Variants in CLUH observed in about 807,000 individuals in gnomAD.
CLUH encodes clustered mitochondria protein homolog.
Under a neutral mutation model 139.3 loss-of-function variants are expected in CLUH, and 77 were observed. The observed-to-expected ratio is 0.55, with a 90% confidence interval of 0.46 to 0.67. The LOEUF (loss-of-function observed/expected upper bound fraction) is 0.67, where lower values mean the gene tolerates loss of function less well. CLUH is among the 30% of genes least tolerant of loss of function. The probability of loss-of-function intolerance (pLI) is 0.00; values close to 1 mark genes in which losing one functional copy is unlikely to be tolerated. For missense variants in CLUH, 1,876 were observed against 1,875.8 expected, an observed-to-expected ratio of 1.00 and a Z score of 0.00; for synonymous variants, 999 against 801.6, an observed-to-expected ratio of 1.25 and a Z score of -4.16.
chr17:2,692,317 G>GC (rs1567576969), intron 22 of CLUH, 44 bp downstream of exon 22: 2 of 1,496,590 alleles, frequency 1.3e-6, no homozygotes, highest in Non-Finnish European at 1.8e-6. Context: ...CGGCTGCCCC[G>GC]CAGGCCTCCG....
chr17:2,691,544 G>C lies in CLUH; in HGVS notation c.3863+65C>G. 4.0e-6 allele frequency: 6 copies of C among 1,511,212 alleles called. No homozygotes were observed. The African/African-American group carries it at 6.9e-5, about 17-fold the overall frequency. The allele number at this position is 1,511,212 out of a possible 1,614,324, so 93.6% of individuals were successfully genotyped here. A position where few individuals can be genotyped will look rare whatever the true frequency, so the allele number is the denominator to read the frequency against. The stretch of plus-strand genomic sequence containing the variant: ...CCGCCGCACTCCAGCCCGGGTGACA[G>C]GGCGAGACTCCGACTCACAAAAAAC... On this transcript the variant is annotated intron_variant, in intron 25 of 25. Transcript: ENST00000651024.
intron 9 of CLUH, among the ~76,000 whole-genome samples, chr17:2,699,928 C>G (rs1004097124): frequency 6.6e-6 from 1 of 152,206 alleles, no homozygotes; most frequent in African/African-American, 2.4e-5. Context: ...CTGAAGCCGG[C>G]CTGAGATTTT....
At chr17:2,708,094 G>A (rs2070399961) in intron 1 of CLUH, 1 of 744,444 alleles carries the variant, frequency 1.3e-6, no homozygotes, top group Non-Finnish European at 1.6e-6. Flanking sequence ...TGCCCAGCTG[G>A]CCAGGGCGCC....
chr17:2,708,115 C>A (rs945470348), intron 1 of CLUH: 1 of 494,268 alleles, frequency 2.0e-6, no homozygotes, highest in Non-Finnish European at 2.6e-6. Context: ...TTCCCAGGGC[C>A]TCTGACATGC....
At position 2,704,357 on chromosome 17, in the gene CLUH, C is replaced by T. The variant is rs1421748620; in HGVS notation, c.303+5G>A. 1.9e-6 allele frequency: 3 copies of T among 1,608,634 alleles called. No individual in the cohort carries two copies. Among genetic ancestry groups the T allele is most frequent in the Non-Finnish European group, 2.5e-6 (3 of 1,177,658 alleles). ...TGGCCCCCAGCACCCGTTCCTCCAT[C>T]TTACCTGCAGGGAGAAGGGCTCGAT... is the stretch of plus-strand genomic sequence containing the variant. On this transcript the variant is annotated splice_donor_5th_base_variant and intron_variant, in intron 2 of 25. Coordinates refer to ENST00000651024, the MANE Select transcript of CLUH (RefSeq NM_001366661.1). The surrounding 1 kb of genome is among the most constrained non-coding windows in gnomAD (Gnocchi z 5.7).
rs750522190 is a variant in CLUH at position 2,696,983 on chromosome 17, G to C, written c.1962-41C>G. ...CAGGGCAGAGCAGGAGCTGGACATC[G>C]GGGAGAGGAGCTCTGCTGGCCCACG... On this transcript the variant is annotated intron_variant, in intron 10 of 25. Coordinates refer to ENST00000651024, the MANE Select transcript of CLUH (RefSeq NM_001366661.1). 2.8e-6 allele frequency: 4 copies of C among 1,441,774 alleles called. No individual in the cohort carries two copies. In the African/African-American group the frequency reaches 4.3e-5, roughly 15 times the overall value. The allele number at this position is 1,441,774 out of a possible 1,614,324, so 89.3% of individuals were successfully genotyped here.
Position 2,704,536 on chromosome 17 carries a change from C to T in CLUH, c.129G>A (p.Gly43=). 6 of 1,574,818 alleles carry T rather than the reference C, an allele frequency of 3.8e-6. No individual in the cohort carries two copies. The highest frequency in any genetic ancestry group is 2.3e-5 in the East Asian group (1 of 42,690). ...CCTTCTTCAGGCTCTCTGGGCAGTC[C>T]CCGTTTAAGAGCATGACTGATGGCA... The part of the protein sequence containing the change: ...AELPSVMLLN[G]DCPESLKKEA... Residue 43 remains glycine (G), a synonymous_variant, in exon 2 of 26, where the codon GGG becomes GGA. Transcript: ENST00000651024. The surrounding 1 kb of genome is among the most constrained non-coding windows in gnomAD (Gnocchi z 5.7).
At position 2,704,394 on chromosome 17, in the gene CLUH, G is replaced by A; in HGVS notation, c.271C>T (p.Leu91Phe). Residue 91 changes from leucine (L) to phenylalanine (F), a missense_variant, in exon 2 of 26, where the codon CTC (leucine) becomes TTC (phenylalanine). Transcript: ENST00000651024. This position sits in a 1 kb window ranked among gnomAD's most constrained non-coding sequence, Gnocchi z 5.7. ...IQDTGFSVKI[L>F]APGIEPFSLQ... is the part of the protein sequence containing the mutation. ...GAGAAGGGCTCGATCCCAGGGGCGA[G>A]GATCTTCACAGAAAAGCCCGTGTCC... 1 of 1,611,868 alleles carries A rather than the reference G, an allele frequency of 6.2e-7. No individual in the cohort carries two copies. The highest frequency in any genetic ancestry group is 2.2e-5 in the East Asian group (1 of 44,754).
Position 2,707,744 on chromosome 17 carries a change from G to A in CLUH, c.101-3180C>T. The A allele has an allele frequency of 2.0e-6, 2 of 985,416 alleles. No individual in the cohort carries two copies. Among genetic ancestry groups the A allele is most frequent in the Non-Finnish European group, 1.2e-6 (1 of 829,910 alleles). 61.0% of individuals were successfully genotyped at this position (985,416 alleles called of 1,614,324 possible). A position where few individuals can be genotyped will look rare whatever the true frequency, so the allele number is the denominator to read the frequency against. On this transcript the variant is annotated intron_variant, in intron 1 of 25. Coordinates refer to ENST00000651024, the MANE Select transcript of CLUH (RefSeq NM_001366661.1). This position sits in a 1 kb window ranked among gnomAD's most constrained non-coding sequence, Gnocchi z 7.4. Reference sequence around the variant, plus strand: ...CACAGACCCGGGTCCAGGCCATAAGGTGGCTGCCTCTGCCCACCAGTCCCA... The same window carrying A: ...CACAGACCCGGGTCCAGGCCATAAGATGGCTGCCTCTGCCCACCAGTCCCA...
rs552674490 is a variant in CLUH, at chr17:2,697,007, C to T, written c.1962-65G>A. ...CGGGGAGAGGAGCTCTGCTGGCCCA[C>T]GGCTCCCGGCAGCTGGGGCTCCACA... On this transcript the variant is annotated intron_variant, in intron 10 of 25. Transcript: ENST00000651024. 149 of 1,282,944 alleles carry T rather than the reference C, an allele frequency of 1.2e-4. 1 individual carries two copies. In the African/African-American group the frequency reaches 1.5e-3, roughly 13 times the overall value. The allele number at this position is 1,282,944 out of a possible 1,614,324, so 79.5% of individuals were successfully genotyped here.
At position 2,694,253 on chromosome 17, in the gene CLUH, G is replaced by T. The variant is rs374987812; in HGVS notation, c.2961C>A (p.Phe987Leu). Residue 987 changes from phenylalanine (F) to leucine (L), a missense_variant, in exon 18 of 26, where the codon TTC (phenylalanine) becomes TTA (leucine). Around this residue, in one of 3 missense-constraint regions of CLUH, gnomAD observed 1,454 missense variants for 1,384.4 expected, o/e 1.05. Coordinates refer to ENST00000651024, the MANE Select transcript of CLUH (RefSeq NM_001366661.1). ...GIQVLLKEYS[F>L]DSRHKPAFTE... Reference sequence around the variant, plus strand: ...TGAACGCGGGCTTGTGGCGACTGTCGAAGCTGTACTCCTTCAGCAGGACCT... The same window carrying T: ...TGAACGCGGGCTTGTGGCGACTGTCTAAGCTGTACTCCTTCAGCAGGACCT... 6.2e-7 allele frequency: 1 copy of T among 1,602,890 alleles called. No homozygotes were observed. The highest frequency in any genetic ancestry group is 2.2e-5 in the East Asian group (1 of 44,762).
chr17:2,702,087 T>C, intron 3 of CLUH, 30 bp from the exon 4 acceptor site: 1 of 1,608,580 alleles, frequency 6.2e-7, no homozygotes, highest in Non-Finnish European at 8.5e-7. Context: ...GGTATGGCGT[T>C]ACCAGGGCCC....
Position 2,707,461 on chromosome 17 carries a change from C to T in CLUH, c.101-2897G>A, listed in dbSNP as rs771478685. On this transcript the variant is annotated intron_variant, in intron 1 of 25. Coordinates refer to ENST00000651024, the MANE Select transcript of CLUH (RefSeq NM_001366661.1). This position sits in a 1 kb window ranked among gnomAD's most constrained non-coding sequence, Gnocchi z 7.4. ...AGGACGGCTGTGGGCCAGGAGAACC[C>T]GGTGGCCCCAGGACCCCAGGGGGAG... 196 of 985,304 alleles carry T rather than the reference C, an allele frequency of 2.0e-4. No individual in the cohort carries two copies. Among genetic ancestry groups the T allele is most frequent in the Non-Finnish European group, 2.1e-4 (176 of 829,918 alleles). The allele number at this position is 985,304 out of a possible 1,614,324, so 61.0% of individuals were successfully genotyped here.
Position 2,705,946 on chromosome 17 carries a change from C to T in CLUH, c.101-1382G>A, listed in dbSNP as rs553660032. The stretch of plus-strand genomic sequence containing the variant: ...CAGCAGACACGGGCCTGCCTGGGCA[C>T]CCATCTAGGAGATGAGGACCTTGGC... On this transcript the variant is annotated intron_variant, in intron 1 of 25. Transcript: ENST00000651024. Among the ~76,000 whole-genome samples the T allele has an allele frequency of 6.6e-5, 10 of 152,312 alleles. No individual in the cohort carries two copies. The East Asian group carries it at 1.4e-3, about 21-fold the overall frequency.
intron 3 of CLUH, 122 bp from the exon 4 acceptor site, chr17:2,702,179 C>T: frequency 4.0e-6 from 5 of 1,240,988 alleles, no homozygotes; most frequent in East Asian, 2.6e-5. Flanking sequence ...TTTAGGTTTC[C>T]GTTTTCAAAT....
chr17:2,698,192 G>A lies in CLUH; in HGVS notation c.1665C>T (p.Tyr555=). 6.3e-7 allele frequency: 1 copy of A among 1,575,988 alleles called. No homozygotes were observed. The highest frequency in any genetic ancestry group is 8.6e-7 in the Non-Finnish European group (1 of 1,161,852). ...FGKTVVSHPR[Y]LELLERTSRP... is the part of the protein sequence containing the mutation. ...GACTCGTGCGCTCCAGCAGCTCCAG[G>A]TACCGCGGGTGTGACACCACGGTCT... The change falls in exon 10 of 26, where the codon TAC becomes TAT. Residue 555 remains tyrosine, a synonymous_variant. Coordinates refer to ENST00000651024, the MANE Select transcript of CLUH (RefSeq NM_001366661.1).
At chr17:2,708,558 AG>A (rs2070416431) in intron 1 of CLUH, among the ~76,000 whole-genome samples, 1 of 152,132 alleles carries the variant, frequency 6.6e-6, no homozygotes, top group Admixed American at 6.5e-5. Context: ...CAGAGGCAAG[AG>A]GAGCCAACCC....
At chr17:2,700,262 G>A (rs959865001) in intron 9 of CLUH, 120 bp downstream of exon 9, 27 of 884,538 alleles carry the variant, frequency 3.1e-5, no homozygotes, top group Middle Eastern at 3.4e-4. Context: ...ACTGGCCTTC[G>A]GGGAACCTGA....
At chr17:2,690,988 CTGCCCTCGG>C (rs1222455788) in intron 25 of CLUH, among the ~76,000 whole-genome samples, 6 of 152,280 alleles carry the variant, frequency 3.9e-5, no homozygotes, top group Admixed American at 2.0e-4. Context: ...GCTCCCCTCG[CTGCCCTCGG>C]TGGCCTCCCT....
Sources: allele counts gnomAD v4.1 joint callset (sites outside exome capture counted in the v4.1 genomes callset), GRCh38; gene constraint gnomAD v4.1.1; regional missense constraint gnomAD v4.1.1; non-coding constraint Gnocchi (gnomAD v3.1); transcripts MANE v1.5; gene names NCBI Gene and HGNC (gene_info 2026-07-23, HGNC 2026-07-21).